The following ATAD2 variants were observed in gnomAD, a reference collection of about 807,000 sequenced individuals.
ATAD2 encodes ATPase family AAA domain-containing protein 2.
ATAD2 carries 62 observed loss-of-function variants against 168.9 expected under a neutral mutation model. The ratio of observed to expected loss-of-function variants is 0.37; its 90% CI spans 0.30 to 0.45. The LOEUF (loss-of-function observed/expected upper bound fraction) is 0.45. Ranked by LOEUF, ATAD2 falls within the 20% of genes least tolerant of loss-of-function variation. The pLI is 1.00. For missense variants in ATAD2, 1,419 were observed against 1,667.8 expected (o/e 0.85, Z 2.60); for synonymous variants, 613 against 571.6 (o/e 1.07, Z -1.03).
intron 6 of ATAD2, 150 bp from the exon 7 acceptor site, chr8:123,370,174 T>C: frequency 1.5e-6 from 1 of 666,422 alleles, no homozygotes; most frequent in South Asian, 2.2e-5. Context: ...CAAACTTATC[T>C]ACTCCTAGAT....
At position 123,369,838 on chromosome 8, in the gene ATAD2, T is replaced by G. The variant is rs776522646; in HGVS notation, c.914A>C (p.Tyr305Ser). 3 of 1,611,514 alleles carry G rather than the reference T, an allele frequency of 1.9e-6. No individual in the cohort carries two copies. Among genetic ancestry groups the G allele is most frequent in the East Asian group, 2.2e-5 (1 of 44,786 alleles). ...GCACTTACTTTCCAATGGAGCCTGA[T>G]AGTAAACAGTAGCTTTTCTCTGTCT... is the stretch of plus-strand genomic sequence containing the variant. ...YLRQRKATVY[Y>S]QAPLEKPRHQ... Residue 305 changes from tyrosine (Y) to serine (S), a missense_variant, in exon 7 of 28, where the codon TAT becomes TCT. Tyr to Ser is a moderately radical substitution (Grantham distance 144). Transcript: ENST00000287394.
chr8:123,397,132 C>T (rs1259701379), upstream of ATAD2, among the ~76,000 whole-genome samples: 1 of 150,888 alleles, frequency 6.6e-6, no homozygotes, highest in Non-Finnish European at 1.5e-5. Flanking sequence ...TTCTAATTTC[C>T]TCACACGCTG....
intron 8 of ATAD2, among the ~76,000 whole-genome samples, chr8:123,362,658 C>T (rs903055131): frequency 3.3e-5 from 5 of 151,884 alleles, no homozygotes; most frequent in African/African-American, 7.3e-5. Flanking sequence ...CCTTGTGATC[C>T]GCCCGCCTCA....
chr8:123,396,058 C>G, intron 1 of ATAD2, 129 bp downstream of exon 1: 2 of 1,107,440 alleles, frequency 1.8e-6, no homozygotes, highest in Non-Finnish European at 2.5e-6. Flanking sequence ...TACTCGTCCT[C>G]GACCACACTT....
chr8:123,347,595 A>G (rs1828293322), intron 15 of ATAD2, among the ~76,000 whole-genome samples, 189 bp from the exon 16 acceptor site: 1 of 152,198 alleles, frequency 6.6e-6, no homozygotes, highest in Admixed American at 6.6e-5. Context: ...ATGGCCATCA[A>G]CAATCAATCA....
intron 26 of ATAD2, among the ~76,000 whole-genome samples, chr8:123,325,067 C>A (rs1586852652): frequency 1.4e-5 from 2 of 139,610 alleles, no homozygotes; most frequent in African/African-American, 2.6e-5. Flanking sequence ...AATTAAAAAT[C>A]TATTTTATAT....
intron 1 of ATAD2, among the ~76,000 whole-genome samples, chr8:123,390,738 C>A (rs1829803312): frequency 6.6e-6 from 1 of 152,096 alleles, no homozygotes. Flanking sequence ...TGTAGGTAAA[C>A]AACCCAAAAG....
intron 1 of ATAD2, among the ~76,000 whole-genome samples, chr8:123,406,416 T>TA (rs138203297): frequency 0.028 from 3,959 of 141,906 alleles, 185 homozygotes; most frequent in African/African-American, 0.092. Context: ...TTAATAAAAT[T>TA]AAAAAAAAAA....
At chr8:123,371,209 A>C in intron 5 of ATAD2, 27 bp downstream of exon 5, 1 of 1,530,526 alleles carries the variant, frequency 6.5e-7, no homozygotes, top group Non-Finnish European at 8.9e-7. Context: ...ATATTAAATC[A>C]TTCCCTTAAT....
intron 1 of ATAD2, among the ~76,000 whole-genome samples, chr8:123,403,407 T>G (rs1413053662): frequency 1.5e-4 from 21 of 135,974 alleles, no homozygotes; most frequent in East Asian, 4.2e-4. Flanking sequence ...GCCAGGAGGG[T>G]TTTTTTTTTT....
intron 13 of ATAD2, among the ~76,000 whole-genome samples, chr8:123,354,625 T>C (rs1255650244): frequency 1.3e-5 from 2 of 151,586 alleles, no homozygotes; most frequent in South Asian, 2.1e-4. Context: ...GCTGATCACC[T>C]GAGGTCAGGA....
intron 26 of ATAD2, among the ~76,000 whole-genome samples, chr8:123,323,848 A>G (rs1827537833): frequency 6.6e-6 from 1 of 152,228 alleles, no homozygotes; most frequent in Non-Finnish European, 1.5e-5. Context: ...ATATGGTACT[A>G]TTACATAGTC....
At chr8:123,374,920 T>C (rs1019037375) in intron 2 of ATAD2, among the ~76,000 whole-genome samples, 1 of 152,158 alleles carries the variant, frequency 6.6e-6, no homozygotes, top group Non-Finnish European at 1.5e-5. Context: ...GATCGTACCC[T>C]CATGACACAG....
chr8:123,403,226 G>A (rs1813029669), intron 1 of ATAD2, among the ~76,000 whole-genome samples: 1 of 152,046 alleles, frequency 6.6e-6, no homozygotes, highest in South Asian at 2.1e-4. Flanking sequence ...GTAGCTGGGA[G>A]TAGCTGGGAC....
At position 123,325,990 on chromosome 8, in the gene ATAD2, G is replaced by A. The variant is rs747679854; in HGVS notation, c.3905C>T (p.Ser1302Phe). Residue 1302 changes from serine to phenylalanine, a missense_variant, in exon 26 of 28, where the codon TCC (serine) becomes TTC (phenylalanine). Ser to Phe is a radical substitution (Grantham distance 155). Coordinates refer to ENST00000287394, the MANE Select transcript of ATAD2 (RefSeq NM_014109.4). ...GATGAGCTGCTGCTGTTCTACCTGG[G>A]AACGTCTAGCTCGAGTCATTCGCAG... is the stretch of plus-strand genomic sequence containing the variant. Reference protein sequence around the residue: ...CVLRMTRARRSQVEQQQLITV... With the variant: ...CVLRMTRARRFQVEQQQLITV... 5.0e-6 allele frequency: 8 copies of A among 1,614,088 alleles called. No individual in the cohort carries two copies. The South Asian group carries it at 6.6e-5, about 13-fold the overall frequency.
In ATAD2 at chr8:123,359,274, C is replaced by T. The variant is rs544153342; in HGVS notation, c.1329G>A (p.Val443=). The change falls in exon 11 of 28, where the codon GTG becomes GTA. Residue 443 remains valine, a synonymous_variant. Coordinates refer to ENST00000287394, the MANE Select transcript of ATAD2 (RefSeq NM_014109.4). The part of the protein sequence containing the change: ...NHIAALKEMV[V]FPLLYPEVFE... ...AGACTTCTGGATAAAGTAATGGAAA[C>T]ACCACCATCTCTTTTAGAGCTGCTA... 6.2e-7 allele frequency: 1 copy of T among 1,612,572 alleles called. No individual in the cohort carries two copies. Among genetic ancestry groups the T allele is most frequent in the Non-Finnish European group, 8.5e-7 (1 of 1,179,428 alleles).
chr8:123,373,505 T>C (rs1392982872), intron 2 of ATAD2, among the ~76,000 whole-genome samples: 10 of 151,124 alleles, frequency 6.6e-5, no homozygotes, highest in African/African-American at 2.4e-4. Flanking sequence ...CTGAAAAAAA[T>C]AGGCCAGGCA....
In ATAD2 at chr8:123,359,329, A is replaced by G; in HGVS notation, c.1274T>C (p.Phe425Ser). The G allele has an allele frequency of 6.2e-7, 1 of 1,600,988 alleles. No individual in the cohort carries two copies. The highest frequency in any genetic ancestry group is 1.1e-5 in the South Asian group (1 of 88,542). Residue 425 changes from phenylalanine (F) to serine (S), a missense_variant, in exon 11 of 28, where the codon TTT becomes TCT. Around this residue, in one of 5 missense-constraint regions of ATAD2, gnomAD observed 146 missense variants for 188.3 expected, o/e 0.78. Coordinates refer to ENST00000287394, the MANE Select transcript of ATAD2 (RefSeq NM_014109.4). ...ATTAGACAGGCCACCAACACTATCAAATCGTACCTGGTAATGGAAGCGAAC... is the reference window on the plus strand; with the variant it reads ...ATTAGACAGGCCACCAACACTATCAGATCGTACCTGGTAATGGAAGCGAAC... The part of the protein sequence containing the change: ...DPMQLDSSVR[F>S]DSVGGLSNHI...
rs558277991 is a variant in ATAD2, at chr8:123,402,712, C to A, written c.-2281-1537G>T. Among the ~76,000 whole-genome samples, 1 of 152,304 alleles carries A rather than the reference C, an allele frequency of 6.6e-6. No homozygotes were observed. Among genetic ancestry groups the A allele is most frequent in the Admixed American group, 6.5e-5 (1 of 15,300 alleles). ...CGTCCCCAGGTGTACCATTCCTGCC[C>A]TCTCCTCAGCTGTAGTTGAAGGCTT... On this transcript the variant is annotated intron_variant, in intron 1 of 28. Coordinates refer to the ATAD2 transcript ENST00000521903. This position sits in a 1 kb window ranked among gnomAD's most constrained non-coding sequence, Gnocchi z 4.8.
Sources: gnomAD v4.1 joint callset for allele counts (sites outside exome capture counted in the v4.1 genomes callset) on GRCh38, gnomAD v4.1.1 for gene constraint, gnomAD v4.1.1 regional missense constraint, Gnocchi (gnomAD v3.1) non-coding constraint, MANE v1.5 for transcripts, NCBI Gene and HGNC (gene_info 2026-07-23, HGNC 2026-07-21) for gene names.